ANKRD18B: variants seen among roughly 807,000 people sequenced by gnomAD.
The protein encoded by ANKRD18B is ankyrin repeat domain-containing protein 18B.
ANKRD18B carries 75 observed loss-of-function variants against 111.8 expected under a neutral mutation model. The ratio of observed to expected loss-of-function variants is 0.67; its 90% CI spans 0.56 to 0.81. ANKRD18B has a LOEUF of 0.81. Ranked by LOEUF, ANKRD18B falls within the 40% of genes least tolerant of loss-of-function variation. The pLI is 0.00. For synonymous variants in ANKRD18B, 356 were observed against 417.3 expected, an observed-to-expected ratio of 0.85 and a Z score of 1.79; for missense variants, 1,038 against 1,225.5, an observed-to-expected ratio of 0.85 and a Z score of 2.28.
chr9:33,547,195 G>T (rs944755955), intron 10 of ANKRD18B, among the ~76,000 whole-genome samples: 2 of 152,080 alleles, frequency 1.3e-5, no homozygotes, highest in Non-Finnish European at 2.9e-5. Flanking sequence ...TTGTTTCTCT[G>T]TTTTTGTGTT....
chr9:33,563,474 G>A (rs1362667348), intron 14 of ANKRD18B, among the ~76,000 whole-genome samples: 1 of 151,804 alleles, frequency 6.6e-6, no homozygotes, highest in African/African-American at 2.4e-5. Flanking sequence ...CTCCCAGGCT[G>A]TCTTTGTGGA....
intron 14 of ANKRD18B, among the ~76,000 whole-genome samples, chr9:33,558,610 G>C (rs1406416860): frequency 6.6e-6 from 1 of 152,098 alleles, no homozygotes; most frequent in African/African-American, 2.4e-5. Flanking sequence ...GGACATCTGG[G>C]TTGATTCCAT....
intron 12 of ANKRD18B, among the ~76,000 whole-genome samples, chr9:33,552,956 C>A (rs1201143173): frequency 6.6e-6 from 1 of 152,048 alleles, no homozygotes; most frequent in Admixed American, 6.6e-5. Context: ...AGATAAAGAA[C>A]CGGAGACACG....
chr9:33,526,531 T>G (rs1376365432), intron 1 of ANKRD18B, among the ~76,000 whole-genome samples: 1 of 152,228 alleles, frequency 6.6e-6, no homozygotes, highest in Non-Finnish European at 1.5e-5. Flanking sequence ...TTCTTACCTT[T>G]GATTTCTGAA....
In ANKRD18B at chr9:33,571,245, G is replaced by A; in HGVS notation, c.3178-1G>A. On this transcript the variant is annotated splice_acceptor_variant, in intron 17 of 18. Transcript: ENST00000684830. LOFTEE classifies it high-confidence loss of function. ...ATTATTTTTTTTTTTACTTATTTTA[G>A]ATGGAGCTGGACTGTGCAGAACAAA... The A allele has an allele frequency of 9.5e-7, 1 of 1,054,682 alleles. No homozygotes were observed. Among genetic ancestry groups the A allele is most frequent in the South Asian group, 2.6e-5 (1 of 37,842 alleles). The allele number at this position is 1,054,682 out of a possible 1,614,324, so 65.3% of individuals were successfully genotyped here. A position where few individuals can be genotyped will look rare whatever the true frequency, so the allele number is the denominator to read the frequency against.
chr9:33,537,421 G>T (rs1828217847), intron 6 of ANKRD18B, among the ~76,000 whole-genome samples: 1 of 152,018 alleles, frequency 6.6e-6, no homozygotes, highest in Non-Finnish European at 1.5e-5. Context: ...TATTTAAGAA[G>T]TTGTAGCTAA....
intron 14 of ANKRD18B, among the ~76,000 whole-genome samples, chr9:33,559,123 G>A (rs915077582): frequency 6.6e-6 from 1 of 152,110 alleles, no homozygotes; most frequent in African/African-American, 2.4e-5. Flanking sequence ...GGAGGTTAAG[G>A]TTCTTATTAT....
Position 33,534,372 on chromosome 9 carries a change from C to A in ANKRD18B, c.605C>A (p.Thr202Lys). 2.6e-6 allele frequency: 4 copies of A among 1,535,456 alleles called. No individual in the cohort carries two copies. The highest frequency in any genetic ancestry group is 2.6e-6 in the Non-Finnish European group (3 of 1,142,318). Residue 202 changes from threonine (T) to lysine (K), a missense_variant and splice_region_variant, in exon 5 of 19, where the codon ACA (threonine) becomes AAA (lysine). Thr to Lys is a moderately conservative substitution (Grantham distance 78). Coordinates refer to ENST00000684830, the MANE Select transcript of ANKRD18B (RefSeq NM_001393611.1). ...CTGTTATTTCTTTATTGTTTTAGAA[C>A]AGCCCTCATACTTGCAGTACAGCAT... ...NIHAVDNFKRTALILAVQHNL... is the reference protein window; with the variant it reads ...NIHAVDNFKRKALILAVQHNL...
chr9:33,553,705 C>T (rs1828480327), intron 12 of ANKRD18B, among the ~76,000 whole-genome samples: 1 of 152,232 alleles, frequency 6.6e-6, no homozygotes, highest in East Asian at 1.9e-4. Context: ...TGCCATATCT[C>T]TATGGAAAAG....
At chr9:33,561,216 G>C (rs1360817339) in intron 14 of ANKRD18B, among the ~76,000 whole-genome samples, 1 of 152,038 alleles carries the variant, frequency 6.6e-6, no homozygotes, top group African/African-American at 2.4e-5. Context: ...CTTTTTTATT[G>C]AACAAAGATT....
chr9:33,524,474 C>G lies in ANKRD18B; in HGVS notation c.-16C>G. On this transcript the variant is annotated 5_prime_UTR_variant, in exon 1 of 19. The change creates a new upstream start codon in the 5' untranslated region. Transcript: ENST00000684830. Reference sequence around the variant, plus strand: ...CGTCTCAGGAGCGGGTGGTGGGCATCTGAGAAGTCGCCACCATGAGGAAGC... The same window carrying G: ...CGTCTCAGGAGCGGGTGGTGGGCATGTGAGAAGTCGCCACCATGAGGAAGC... The G allele has an allele frequency of 6.5e-7, 1 of 1,539,284 alleles. No homozygotes were observed. The highest frequency in any genetic ancestry group is 1.4e-5 in the African/African-American group (1 of 72,436).
At chr9:33,530,881 T>C (rs1828104891) in intron 3 of ANKRD18B, among the ~76,000 whole-genome samples, 1 of 152,240 alleles carries the variant, frequency 6.6e-6, no homozygotes, top group Non-Finnish European at 1.5e-5. Flanking sequence ...AGGCTGACCC[T>C]TTCACAATTT....
chr9:33,532,328 C>A (rs1828129820), intron 3 of ANKRD18B, among the ~76,000 whole-genome samples: 2 of 151,962 alleles, frequency 1.3e-5, no homozygotes, highest in Admixed American at 6.6e-5. Flanking sequence ...TTTGATAAGC[C>A]ATTGTATTTT....
In ANKRD18B at chr9:33,524,655, C is replaced by A; in HGVS notation, c.166C>A (p.Arg56Ser). 6.4e-7 allele frequency: 1 copy of A among 1,551,138 alleles called. No homozygotes were observed. Among genetic ancestry groups the A allele is most frequent in the Non-Finnish European group, 8.7e-7 (1 of 1,146,774 alleles). Residue 56 changes from arginine (R) to serine (S), a missense_variant, in exon 1 of 19, where the codon CGC (arginine) becomes AGC (serine). Coordinates refer to ENST00000684830, the MANE Select transcript of ANKRD18B (RefSeq NM_001393611.1). ...DAAEVEHCLT[R>S]RFRDLDVRDR... ...CGCAGAGGTGGAGCACTGCCTGACG[C>A]GCAGGTTCCGGGACTTGGACGTCCG...
chr9:33,572,469 T>G lies in ANKRD18B; in HGVS notation c.*35T>G. ...AAACTTTATTACTGGGCTATTTACA[T>G]GAAATTTTAATTGTTTCTCATAAAA... On this transcript the variant is annotated 3_prime_UTR_variant, in exon 19 of 19. Transcript: ENST00000684830. 6.9e-7 allele frequency: 1 copy of G among 1,447,638 alleles called. No individual in the cohort carries two copies. The highest frequency in any genetic ancestry group is 9.2e-7 in the Non-Finnish European group (1 of 1,082,602). 89.7% of individuals were successfully genotyped at this position (1,447,638 alleles called of 1,614,324 possible).
At chr9:33,547,782 T>TGTGTGTGTGTCTGTGTGTGTGGGTCTTCC in intron 10 of ANKRD18B, among the ~76,000 whole-genome samples, 156 bp from the exon 11 acceptor site, 1 of 152,006 alleles carries the variant, frequency 6.6e-6, no homozygotes. Flanking sequence ...GTATGTTCTC[T>TGTGTGTGTGTCTGTGTGTGTGGGTCTTCC]AAGGTTCAAG....
At chr9:33,543,668 A>G (rs583467) in intron 10 of ANKRD18B, among the ~76,000 whole-genome samples, 196 of 152,330 alleles carry the variant, frequency 1.3e-3, no homozygotes, top group African/African-American at 4.6e-3. Context: ...TTATGTTGCC[A>G]GTCACCAGTG....
intron 10 of ANKRD18B, among the ~76,000 whole-genome samples, chr9:33,546,725 G>T (rs1828361470): frequency 6.6e-6 from 1 of 152,010 alleles, no homozygotes; most frequent in Non-Finnish European, 1.5e-5. Flanking sequence ...TTCCCTTTTG[G>T]TGCCACGAAA....
chr9:33,566,617 T>C, intron 15 of ANKRD18B, 117 bp downstream of exon 15: 2 of 1,255,356 alleles, frequency 1.6e-6, no homozygotes, highest in Non-Finnish European at 2.1e-6. Flanking sequence ...GGCAATTTCC[T>C]TTGTAGAGCT....
Sources: gnomAD v4.1 joint callset for allele counts (sites outside exome capture counted in the v4.1 genomes callset) on GRCh38, gnomAD v4.1.1 for gene constraint, MANE v1.5 for transcripts, NCBI Gene and HGNC (gene_info 2026-07-23, HGNC 2026-07-21) for gene names.